The following CCT3 variants were observed in gnomAD, a reference collection of about 807,000 sequenced individuals.
The protein encoded by CCT3 is T-complex protein 1 subunit gamma.
A neutral mutation model predicts 65.3 loss-of-function variants in CCT3; 10 were observed. That is an observed-to-expected ratio of 0.15 (90% CI 0.09 to 0.26). The LOEUF (loss-of-function observed/expected upper bound fraction) is 0.26. Ranked by LOEUF, CCT3 falls within the 10% of genes least tolerant of loss-of-function variation. The probability of loss-of-function intolerance (pLI) is 1.00; values close to 1 mark genes in which losing one functional copy is unlikely to be tolerated. For missense variants in CCT3, 626 were observed against 708.7 expected, an observed-to-expected ratio of 0.88 and a Z score of 1.33; for synonymous variants, 225 against 242.3, an observed-to-expected ratio of 0.93 and a Z score of 0.66.
At chr1:156,335,537 C>A (rs776620924) in intron 2 of CCT3, 15 of 370,170 alleles carry the variant, frequency 4.1e-5, no homozygotes, top group Non-Finnish European at 9.6e-6. Context: ...TACTTATGTT[C>A]AAGTAACTCA....
At chr1:156,319,087 C>A in intron 7 of CCT3, 70 bp from the exon 8 acceptor site, 23 of 1,299,786 alleles carry the variant, frequency 1.8e-5, no homozygotes, top group Non-Finnish European at 2.3e-5. Context: ...CCCAGATGTT[C>A]ATCTTTCCCA....
At chr1:156,319,402 C>G (rs1325598241) in intron 7 of CCT3, among the ~76,000 whole-genome samples, 1 of 152,166 alleles carries the variant, frequency 6.6e-6, no homozygotes, top group Non-Finnish European at 1.5e-5. Context: ...AGGCATGAGC[C>G]ACCACGCCCG....
chr1:156,331,951 G>A (rs777019402), intron 5 of CCT3, among the ~76,000 whole-genome samples: 22 of 151,972 alleles, frequency 1.4e-4, no homozygotes, highest in Non-Finnish European at 2.5e-4. Flanking sequence ...AGAATCGCTC[G>A]AACCCGAGAG....
At chr1:156,328,858 AT>A (rs1414125061) in intron 5 of CCT3, among the ~76,000 whole-genome samples, 4 of 137,652 alleles carry the variant, frequency 2.9e-5, no homozygotes, top group Admixed American at 7.3e-5. Context: ...ATCAATAAAA[AT>A]AAAAATAAAA....
intron 7 of CCT3, among the ~76,000 whole-genome samples, chr1:156,320,293 C>T (rs1292841974): frequency 6.6e-6 from 1 of 151,990 alleles, no homozygotes; most frequent in Non-Finnish European, 1.5e-5. Flanking sequence ...TCTGTAATCC[C>T]AACTATTTTA....
chr1:156,336,240 G>T (rs1041409193), intron 1 of CCT3, among the ~76,000 whole-genome samples: 1 of 148,522 alleles, frequency 6.7e-6, no homozygotes, highest in African/African-American at 2.4e-5. Flanking sequence ...GTGGGATAGC[G>T]AACTCCCTGA....
Position 156,309,089 on chromosome 1 carries a change from C to G in CCT3, c.*110G>C, listed in dbSNP as rs1663959598. 2 of 757,414 alleles carry G rather than the reference C, an allele frequency of 2.6e-6. No individual in the cohort carries two copies. Among genetic ancestry groups the G allele is most frequent in the Admixed American group, 4.1e-5 (2 of 49,198 alleles). The allele number at this position is 757,414 out of a possible 1,614,324, so 46.9% of individuals were successfully genotyped here. ...GACAGAAAGGGACTGGGGGCTGCCC[C>G]CCAACCTGATCCCTTCTGAACAAAG... On this transcript the variant is annotated 3_prime_UTR_variant, in exon 14 of 14. Transcript: ENST00000295688.
chr1:156,323,210 G>A (rs1311942313), intron 6 of CCT3, among the ~76,000 whole-genome samples: 2 of 151,744 alleles, frequency 1.3e-5, no homozygotes, highest in Admixed American at 1.3e-4. Context: ...AGAGTCTGAG[G>A]CAGGATAATC....
intron 5 of CCT3, among the ~76,000 whole-genome samples, chr1:156,332,097 C>T (rs535596369): frequency 3.9e-5 from 6 of 152,226 alleles, no homozygotes; most frequent in African/African-American, 1.4e-4. Flanking sequence ...ACAAACACGG[C>T]TCACTGCAGC....
At chr1:156,336,535 A>G (rs1051575874) in intron 1 of CCT3, among the ~76,000 whole-genome samples, 6 of 152,204 alleles carry the variant, frequency 3.9e-5, no homozygotes, top group African/African-American at 7.2e-5. Context: ...ATTGGATGTA[A>G]TAAGAAGGCC....
In CCT3 at chr1:156,329,585, G is replaced by A. The variant is rs191334306; in HGVS notation, c.304+3962C>T. Among the ~76,000 whole-genome samples the A allele has an allele frequency of 8.0e-3, 1,210 of 151,822 alleles. 23 individuals carry two copies. The highest frequency in any genetic ancestry group is 0.026 in the African/African-American group (1,077 of 41,444). On this transcript the variant is annotated intron_variant, in intron 5 of 13. Coordinates refer to ENST00000295688, the MANE Select transcript of CCT3 (RefSeq NM_005998.5). ...CTCCCAAAGTGCTGGGATTACAGGCGTAAGCCACCGCGCCCAGCCCATATC... is the reference window on the plus strand; with the variant it reads ...CTCCCAAAGTGCTGGGATTACAGGCATAAGCCACCGCGCCCAGCCCATATC...
intron 4 of CCT3, among the ~76,000 whole-genome samples, chr1:156,334,144 C>T (rs1267137922): frequency 3.3e-5 from 5 of 150,124 alleles, no homozygotes; most frequent in Admixed American, 6.7e-5. Flanking sequence ...GAGGCTGAGG[C>T]AGAAGAATTG....
chr1:156,327,161 A>G (rs747565917), intron 5 of CCT3, among the ~76,000 whole-genome samples: 1 of 152,250 alleles, frequency 6.6e-6, no homozygotes, highest in Non-Finnish European at 1.5e-5. Context: ...AAGTATAAAG[A>G]GAGTATTGTA....
At chr1:156,326,335 A>G (rs866133529) in intron 5 of CCT3, among the ~76,000 whole-genome samples, 5 of 152,244 alleles carry the variant, frequency 3.3e-5, no homozygotes, top group Middle Eastern at 3.4e-3. Flanking sequence ...TTTCAAAAAA[A>G]TAAAAAATTA....
chr1:156,321,074 G>A (rs1173096457), intron 6 of CCT3, 49 bp from the exon 7 acceptor site: 2 of 1,451,132 alleles, frequency 1.4e-6, no homozygotes, highest in Admixed American at 1.7e-5. Flanking sequence ...TGTTAGATAT[G>A]TAGAGATGTG....
chr1:156,324,302 C>T (rs558155483), intron 6 of CCT3, among the ~76,000 whole-genome samples: 2 of 151,690 alleles, frequency 1.3e-5, no homozygotes, highest in South Asian at 2.1e-4. Flanking sequence ...CTCCTGACCT[C>T]GTGATCCACC....
intron 5 of CCT3, among the ~76,000 whole-genome samples, chr1:156,327,834 G>A (rs1332538669): frequency 6.6e-6 from 1 of 150,738 alleles, no homozygotes; most frequent in African/African-American, 2.4e-5. Context: ...ATCCCATCTA[G>A]GAAGTGAGGA....
At chr1:156,332,723 T>C (rs1373193863) in intron 5 of CCT3, 2 of 152,242 alleles carry the variant, frequency 1.3e-5, no homozygotes, top group Non-Finnish European at 2.9e-5. Flanking sequence ...ACAAGTGTAG[T>C]GCTTAAGTGC....
chr1:156,333,658 C>G lies in CCT3; in HGVS notation c.208-15G>C. The G allele has an allele frequency of 6.2e-7, 1 of 1,604,158 alleles. No homozygotes were observed. Among genetic ancestry groups the G allele is most frequent in the Non-Finnish European group, 8.5e-7 (1 of 1,171,122 alleles). On this transcript the variant is annotated splice_polypyrimidine_tract_variant and intron_variant, in intron 4 of 13. Transcript: ENST00000295688. ...TGGACTTGAATCTAAAAAGGTAGAT[C>G]ACTAGTGAATTCACACTATTCAAAG...
Sources: gnomAD v4.1 joint callset for allele counts (sites outside exome capture counted in the v4.1 genomes callset) on GRCh38, gnomAD v4.1.1 for gene constraint, MANE v1.5 for transcripts, NCBI Gene and HGNC (gene_info 2026-07-23, HGNC 2026-07-21) for gene names.